Variants in LZTS1 observed in about 807,000 individuals in gnomAD.
LZTS1 encodes the protein leucine zipper tumor suppressor 1, also known as leucine zipper putative tumor suppressor 1.
Under a neutral mutation model 45.8 loss-of-function variants are expected in LZTS1, and 31 were observed. The observed-to-expected ratio is 0.68, with a 90% CI of 0.51 to 0.91. LZTS1 has a LOEUF of 0.91. Ranked by LOEUF, LZTS1 falls within the 40% of genes least tolerant of loss-of-function variation. The pLI is 0.00. For missense variants in LZTS1, 821 were observed against 788.9 expected (o/e 1.04, Z -0.49); for synonymous variants, 359 against 357.3 (o/e 1.00, Z -0.05).
At chr8:20,255,998 C>A (rs1291363577) in intron 1 of LZTS1, among the ~76,000 whole-genome samples, 1 of 147,784 alleles carries the variant, frequency 6.8e-6, no homozygotes, top group East Asian at 2.0e-4. Context: ...TCGTCTGAGC[C>A]CCGGGGATCA....
intron 1 of LZTS1, among the ~76,000 whole-genome samples, chr8:20,288,399 C>G (rs1433653800): frequency 6.6e-6 from 1 of 152,190 alleles, no homozygotes; most frequent in Non-Finnish European, 1.5e-5. Flanking sequence ...CAAGTGGAAA[C>G]AGCAGTGCCC....
At position 20,287,664 on chromosome 8, in the gene LZTS1, C is replaced by T. The variant is rs554966219; in HGVS notation, c.-135+16076G>A. Reference sequence around the variant, plus strand: ...GCCCGGGACCAGGCATGGTGGCTCACGCCTATAATCCCAACACTTTGGAAG... The same window carrying T: ...GCCCGGGACCAGGCATGGTGGCTCATGCCTATAATCCCAACACTTTGGAAG... On this transcript the variant is annotated intron_variant, in intron 1 of 3. Coordinates refer to ENST00000381569, the MANE Select transcript of LZTS1 (RefSeq NM_021020.5). Among the ~76,000 whole-genome samples the T allele has an allele frequency of 3.3e-5, 5 of 152,198 alleles. No homozygotes were observed. The South Asian group carries it at 6.2e-4, about 19-fold the overall frequency.
chr8:20,281,313 A>G (rs563195231), intron 1 of LZTS1, among the ~76,000 whole-genome samples: 63 of 151,882 alleles, frequency 4.1e-4, no homozygotes, highest in African/African-American at 1.4e-3. Flanking sequence ...TAATCCCAGC[A>G]CTTTGGGAGG....
At chr8:20,294,687 G>A (rs1800952886) in intron 1 of LZTS1, among the ~76,000 whole-genome samples, 1 of 152,124 alleles carries the variant, frequency 6.6e-6, no homozygotes, top group Admixed American at 6.5e-5. Context: ...AATGCCCTTT[G>A]GGGGTGGCGG....
chr8:20,274,819 C>T (rs1800544028), intron 1 of LZTS1, among the ~76,000 whole-genome samples: 2 of 152,250 alleles, frequency 1.3e-5, no homozygotes, highest in South Asian at 4.1e-4. Context: ...GCATTGGTGG[C>T]CCCACCTAAA....
Position 20,278,235 on chromosome 8 carries a change from C to G in LZTS1, c.-134-22920G>C, listed in dbSNP as rs560699029. On this transcript the variant is annotated intron_variant, in intron 1 of 3. Coordinates refer to ENST00000381569, the MANE Select transcript of LZTS1 (RefSeq NM_021020.5). ...TTGGGTGTGTGGGTTCAAGCATGCG[C>G]ACTAAGAGGCAAAATGGTATAACTG... Among the ~76,000 whole-genome samples the G allele has an allele frequency of 3.9e-5, 6 of 152,264 alleles. No individual in the cohort carries two copies. In the East Asian group the frequency reaches 1.2e-3, roughly 29 times the overall value.
intron 1 of LZTS1, among the ~76,000 whole-genome samples, chr8:20,302,402 C>T (rs933950509): frequency 1.3e-5 from 2 of 152,180 alleles, no homozygotes; most frequent in South Asian, 4.1e-4. Flanking sequence ...TATGCGCACA[C>T]TCTTCGGGCA....
chr8:20,277,385 G>C (rs1178023077), intron 1 of LZTS1, among the ~76,000 whole-genome samples: 1 of 152,104 alleles, frequency 6.6e-6, no homozygotes, highest in Non-Finnish European at 1.5e-5. Context: ...ATATAATCAA[G>C]AAATAACTAT....
In LZTS1 at chr8:20,255,201, T is replaced by C. The variant is rs746740126; in HGVS notation, c.-20A>G. The C allele has an allele frequency of 1.1e-5, 17 of 1,602,158 alleles. No homozygotes were observed. The highest frequency in any genetic ancestry group is 1.4e-5 in the Non-Finnish European group (16 of 1,174,696). On this transcript the variant is annotated 5_prime_UTR_variant, in exon 2 of 4. Coordinates refer to ENST00000381569, the MANE Select transcript of LZTS1 (RefSeq NM_021020.5). Reference sequence around the variant, plus strand: ...GCCCATGGTGACTCGGGGCTGAGGATGGGGCAGGGCCGGGCAGGGTCTTGG... The same window carrying C: ...GCCCATGGTGACTCGGGGCTGAGGACGGGGCAGGGCCGGGCAGGGTCTTGG...
intron 1 of LZTS1, among the ~76,000 whole-genome samples, chr8:20,260,251 CAG>C (rs1800198543): frequency 6.6e-6 from 1 of 152,116 alleles, no homozygotes; most frequent in African/African-American, 2.4e-5. Flanking sequence ...TTAATTGAGA[CAG>C]AGTCTCACTC....
chr8:20,302,220 TGATGAGCA>T (rs1801092865), intron 1 of LZTS1, among the ~76,000 whole-genome samples: 1 of 152,118 alleles, frequency 6.6e-6, no homozygotes, highest in Non-Finnish European at 1.5e-5. Flanking sequence ...ATAACGTCTA[TGATGAGCA>T]GAAAGAGCCT....
chr8:20,290,113 C>G (rs970403961), intron 1 of LZTS1: 10 of 152,202 alleles, frequency 6.6e-5, no homozygotes, highest in Admixed American at 4.6e-4. Context: ...ATGCGAGCCC[C>G]GTGTTGGTGG....
chr8:20,246,732 G>A lies in LZTS1; in HGVS notation c.*2990C>T, dbSNP rs73603996. On this transcript the variant is annotated 3_prime_UTR_variant, in exon 4 of 4. Transcript: ENST00000381569. ...GAGGGAACCCCGTGACAGTCCAGTC[G>A]TTCCCAGGTCCAGGGGCAGAGTCCG... is the stretch of plus-strand genomic sequence containing the variant. 5,713 of 152,752 alleles carry A rather than the reference G, an allele frequency of 0.037. 160 individuals carry two copies. Among genetic ancestry groups the A allele is most frequent in the Middle Eastern group, 0.094 (28 of 298 alleles). 9.5% of individuals were successfully genotyped at this position (152,752 alleles called of 1,614,324 possible). A position where few individuals can be genotyped will look rare whatever the true frequency, so the allele number is the denominator to read the frequency against.
intron 1 of LZTS1, among the ~76,000 whole-genome samples, chr8:20,281,654 G>A (rs976108543): frequency 3.9e-5 from 6 of 152,108 alleles, no homozygotes; most frequent in African/African-American, 1.4e-4. Flanking sequence ...GCTGGTCATT[G>A]AAAAGAGGCT....
chr8:20,291,402 A>G (rs1365571331), intron 1 of LZTS1, among the ~76,000 whole-genome samples: 1 of 152,134 alleles, frequency 6.6e-6, no homozygotes, highest in African/African-American at 2.4e-5. Flanking sequence ...CTCCCTTTGG[A>G]ACTGAGGGGA....
At chr8:20,272,784 A>C (rs1800498906) in intron 1 of LZTS1, among the ~76,000 whole-genome samples, 1 of 152,178 alleles carries the variant, frequency 6.6e-6, no homozygotes, top group Non-Finnish European at 1.5e-5. Context: ...GTCTGTCTTC[A>C]TCTCAGACTA....
chr8:20,290,034 G>A (rs1457181962), intron 1 of LZTS1: 1 of 152,238 alleles, frequency 6.6e-6, no homozygotes, highest in Non-Finnish European at 1.5e-5. Flanking sequence ...CCTAGAACCA[G>A]ACAGCTCTCA....
At chr8:20,268,439 A>C (rs1378254466) in intron 1 of LZTS1, among the ~76,000 whole-genome samples, 1 of 151,710 alleles carries the variant, frequency 6.6e-6, no homozygotes, top group African/African-American at 2.4e-5. Context: ...TGCCCGATTC[A>C]GCTTTCCTTA....
At chr8:20,270,484 C>A (rs1800449554) in intron 1 of LZTS1, among the ~76,000 whole-genome samples, 1 of 152,162 alleles carries the variant, frequency 6.6e-6, no homozygotes, top group Non-Finnish European at 1.5e-5. Context: ...ATTAAGGGAA[C>A]TTTGGAGCTT....
Sources: allele counts gnomAD v4.1 joint callset (sites outside exome capture counted in the v4.1 genomes callset), GRCh38; gene constraint gnomAD v4.1.1; transcripts MANE v1.5; gene names NCBI Gene and HGNC (gene_info 2026-07-23, HGNC 2026-07-21).